The following DOCK1 variants were observed in gnomAD, a reference collection of about 807,000 sequenced individuals.
The protein encoded by DOCK1 is dedicator of cytokinesis 1.
In DOCK1, 138 loss-of-function variants were observed where a neutral mutation model predicts 262.7. The ratio of observed to expected loss-of-function variants is 0.53; its 90% confidence interval spans 0.46 to 0.61. DOCK1 has a LOEUF of 0.61. Among genes scored for constraint, DOCK1 ranks in the 20% least tolerant of loss-of-function variants. The pLI is 0.00. For missense variants in DOCK1, 1,908 were observed against 2,370.7 expected (o/e 0.80, Z 4.05); for synonymous variants, 866 against 867.4 (o/e 1.00, Z 0.03).
chr10:127,196,689 C>G (rs2057187240), intron 27 of DOCK1, among the ~76,000 whole-genome samples: 2 of 148,176 alleles, frequency 1.3e-5, no homozygotes, highest in Admixed American at 1.3e-4. Context: ...TGGAGGAGCC[C>G]CCTCCCGCCG....
intron 29 of DOCK1, among the ~76,000 whole-genome samples, chr10:127,301,458 G>T (rs1402772025): frequency 2.0e-5 from 3 of 152,178 alleles, no homozygotes; most frequent in African/African-American, 7.2e-5. Context: ...CGCTTCTTTT[G>T]GTGGAGGGAG....
At chr10:126,935,152 TATATC>T (rs1252309596) in intron 1 of DOCK1, among the ~76,000 whole-genome samples, 9 of 152,224 alleles carry the variant, frequency 5.9e-5, no homozygotes, top group African/African-American at 1.7e-4. Context: ...TGTAGACTAT[TATATC>T]ATAACCACAT....
At chr10:127,228,682 C>T (rs2058728959) in intron 27 of DOCK1, among the ~76,000 whole-genome samples, 1 of 152,198 alleles carries the variant, frequency 6.6e-6, no homozygotes, top group African/African-American at 2.4e-5. Context: ...GTCTCGCAGA[C>T]CCCTTTTCTG....
In DOCK1 at chr10:127,343,777, G is replaced by A; in HGVS notation, c.3224+31G>A. The A allele has an allele frequency of 2.6e-6, 4 of 1,526,684 alleles. No individual in the cohort carries two copies. In the Middle Eastern group the frequency reaches 5.1e-4, roughly 194 times the overall value. The allele number at this position is 1,526,684 out of a possible 1,614,324, so 94.6% of individuals were successfully genotyped here. A position where few individuals can be genotyped will look rare whatever the true frequency, so the allele number is the denominator to read the frequency against. ...TTCTCATCTAGCTCTGAAACTGCAG[G>A]CAGGAGCCTCCAACTCTAATCGCAT... On this transcript the variant is annotated intron_variant, in intron 31 of 51. Coordinates refer to ENST00000623213, the MANE Select transcript of DOCK1 (RefSeq NM_001290223.2).
intron 29 of DOCK1, among the ~76,000 whole-genome samples, chr10:127,291,217 CACGTGGATTTACTGG>C (rs1183749903): frequency 6.6e-6 from 1 of 152,232 alleles, no homozygotes; most frequent in Non-Finnish European, 1.5e-5. Flanking sequence ...GCTTAAGTGT[CACGTGGATTTACTGG>C]ACAGACCATT....
intron 1 of DOCK1, among the ~76,000 whole-genome samples, chr10:126,953,382 GT>G (rs1229954094): frequency 0.05 from 7,612 of 151,208 alleles, 262 homozygotes; most frequent in Middle Eastern, 0.14. Flanking sequence ...ATTTTTCATA[GT>G]GTTGGTAGTG....
At chr10:127,146,126 C>T in intron 27 of DOCK1, 1 of 489,824 alleles carries the variant, frequency 2.0e-6, no homozygotes, top group Non-Finnish European at 4.0e-6. Flanking sequence ...TTATCTTTAT[C>T]TTCCCATGAA....
rs138243445 is a variant in DOCK1 at position 127,229,389 on chromosome 10, G to A, written c.2848-18619G>A. The stretch of plus-strand genomic sequence containing the variant: ...TGTTTTCTTTGACCATCGTCTCCCC[G>A]GTCCCCCCGCTCTCCAGTCCTTGGT... On this transcript the variant is annotated intron_variant, in intron 27 of 51. Coordinates refer to ENST00000623213, the MANE Select transcript of DOCK1 (RefSeq NM_001290223.2). Among the ~76,000 whole-genome samples the A allele has an allele frequency of 1.0e-3, 156 of 152,090 alleles. No individual in the cohort carries two copies. The East Asian group carries it at 0.028, about 28-fold the overall frequency.
At chr10:127,344,230 A>T (rs1300626440) in intron 31 of DOCK1, 1 of 153,272 alleles carries the variant, frequency 6.5e-6, no homozygotes, top group African/African-American at 2.4e-5. Context: ...GGCACCTTCT[A>T]TCATTGTAAA....
rs1357012509 is a variant in DOCK1, at chr10:127,175,680, T to A, written c.2847+47916T>A. 8 of 1,613,746 alleles carry A rather than the reference T, an allele frequency of 5.0e-6. No individual in the cohort carries two copies. Among genetic ancestry groups the A allele is most frequent in the Non-Finnish European group, 5.9e-6 (7 of 1,179,978 alleles). ...CCTCCTGAGGGCAGGTGGAGCGGGC[T>A]CCTCGGAGTTTGGCCTCCCCCGGTC... On this transcript the variant is annotated intron_variant, in intron 27 of 51. Coordinates refer to ENST00000623213, the MANE Select transcript of DOCK1 (RefSeq NM_001290223.2). This position sits in a 1 kb window ranked among gnomAD's most constrained non-coding sequence, Gnocchi z 6.3.
intron 27 of DOCK1, among the ~76,000 whole-genome samples, chr10:127,129,568 C>T (rs1018446809): frequency 5.3e-5 from 8 of 152,314 alleles, no homozygotes; most frequent in South Asian, 2.1e-4. Flanking sequence ...CCACGAGCCA[C>T]CTGTTGACCC....
At chr10:127,159,311 C>T (rs1218134976) in intron 27 of DOCK1, among the ~76,000 whole-genome samples, 2 of 152,112 alleles carry the variant, frequency 1.3e-5, no homozygotes, top group Non-Finnish European at 2.9e-5. Context: ...CTAGTCAGGG[C>T]TACCTCTCTG....
chr10:126,931,736 G>A (rs1391647089), intron 1 of DOCK1, among the ~76,000 whole-genome samples: 3 of 152,076 alleles, frequency 2.0e-5, no homozygotes, highest in Non-Finnish European at 2.9e-5. Flanking sequence ...TCTGGCGGAC[G>A]GCCTTCCTGT....
At chr10:127,311,198 A>C (rs150223775) in intron 29 of DOCK1, among the ~76,000 whole-genome samples, 32 of 152,338 alleles carry the variant, frequency 2.1e-4, no homozygotes, top group African/African-American at 7.0e-4. Context: ...CCATGCTTCC[A>C]AGGCAGCTGT....
At chr10:127,156,535 TTTCTTC>T (rs542677102) in intron 27 of DOCK1, among the ~76,000 whole-genome samples, 10,878 of 94,066 alleles carry the variant, frequency 0.12, 1,283 homozygotes, top group African/African-American at 0.27. Flanking sequence ...CTTTTCTCTT[TTTCTTC>T]TTCTTCTTCT....
intron 1 of DOCK1, among the ~76,000 whole-genome samples, chr10:126,956,458 C>T (rs1020835521): frequency 1.3e-5 from 2 of 152,094 alleles, no homozygotes; most frequent in Non-Finnish European, 2.9e-5. Flanking sequence ...AGGAGAGGGG[C>T]TCAGGAGGGG....
At chr10:127,172,992 G>C (rs1383379841) in intron 27 of DOCK1, among the ~76,000 whole-genome samples, 1 of 152,190 alleles carries the variant, frequency 6.6e-6, no homozygotes, top group African/African-American at 2.4e-5. Context: ...GCAGCTAGTG[G>C]CCACTGTATT....
At chr10:127,201,126 A>G (rs1196960271) in intron 27 of DOCK1, among the ~76,000 whole-genome samples, 1 of 152,194 alleles carries the variant, frequency 6.6e-6, no homozygotes, top group African/African-American at 2.4e-5. Flanking sequence ...CTTGTCTTTC[A>G]AGAACAAGAC....
intron 27 of DOCK1, among the ~76,000 whole-genome samples, chr10:127,240,745 T>C (rs1171097862): frequency 6.6e-6 from 1 of 152,170 alleles, no homozygotes; most frequent in Non-Finnish European, 1.5e-5. Context: ...GAGGTAGCTT[T>C]AAAGAAATTC....
Sources: gnomAD v4.1 joint callset for allele counts (sites outside exome capture counted in the v4.1 genomes callset) on GRCh38, gnomAD v4.1.1 for gene constraint, Gnocchi (gnomAD v3.1) non-coding constraint, MANE v1.5 for transcripts, NCBI Gene and HGNC (gene_info 2026-07-23, HGNC 2026-07-21) for gene names.